Variants in SYNPO observed in about 807,000 individuals in gnomAD.
SYNPO encodes synaptopodin.
Under a neutral mutation model 49.5 loss-of-function variants are expected in SYNPO, and 19 were observed. That is an observed-to-expected ratio of 0.38 (90% CI 0.27 to 0.56). The LOEUF is 0.56. Ranked by LOEUF, SYNPO falls within the 20% of genes least tolerant of loss-of-function variation. SYNPO has a pLI of 0.68. For synonymous variants in SYNPO, 536 were observed against 548.0 expected, an observed-to-expected ratio of 0.98 and a Z score of 0.31; for missense variants, 1,131 against 1,248.3, an observed-to-expected ratio of 0.91 and a Z score of 1.42.
At chr5:150,604,244 G>A (rs1024003481) in intron 1 of SYNPO, among the ~76,000 whole-genome samples, 1 of 152,244 alleles carries the variant, frequency 6.6e-6, no homozygotes, top group Non-Finnish European at 1.5e-5. Flanking sequence ...GGGAGCGGGA[G>A]GTGGCACTGC....
the SYNPO span, among the ~76,000 whole-genome samples, chr5:150,590,851 T>C: frequency 2.0e-5 from 3 of 152,168 alleles, no homozygotes; most frequent in Non-Finnish European, 4.4e-5. Flanking sequence ...AGGGGGCTTC[T>C]AAGGAGAAGA....
At chr5:150,592,196 G>A in the SYNPO span, among the ~76,000 whole-genome samples, 21 of 151,814 alleles carry the variant, frequency 1.4e-4, no homozygotes, top group East Asian at 2.1e-3. Flanking sequence ...AGAAGAAGAA[G>A]AAGAAAAGAT....
intron 1 of SYNPO, among the ~76,000 whole-genome samples, chr5:150,610,829 A>C (rs1358693071): frequency 6.6e-6 from 1 of 152,236 alleles, no homozygotes; most frequent in Non-Finnish European, 1.5e-5. Context: ...TTTTTTATAT[A>C]CAAGATTACA....
Position 150,648,604 on chromosome 5 carries a change from C to T in SYNPO, c.329C>T (p.Pro110Leu). The part of the protein sequence containing the change: ...PPATVVPQSL[P>L]LSSIQQNSSE... ...GCAACTGTTGTCCCACAGAGCCTGCCACTTTCTAGCATCCAACAGAATTCC... is the reference window on the plus strand; with the variant it reads ...GCAACTGTTGTCCCACAGAGCCTGCTACTTTCTAGCATCCAACAGAATTCC... Residue 110 changes from proline to leucine, a missense_variant, in exon 2 of 3, where the codon CCA becomes CTA. Transcript: ENST00000307662. The surrounding 1 kb of genome is among the most constrained non-coding windows in gnomAD (Gnocchi z 5.0). The T allele has an allele frequency of 6.2e-7, 1 of 1,614,246 alleles. No individual in the cohort carries two copies. The highest frequency in any genetic ancestry group is 8.5e-7 in the Non-Finnish European group (1 of 1,180,050).
the SYNPO span, among the ~76,000 whole-genome samples, chr5:150,592,424 C>T: frequency 6.6e-6 from 1 of 152,114 alleles, no homozygotes; most frequent in African/African-American, 2.4e-5. Flanking sequence ...TTTCTCACTG[C>T]TAAGTGATAT....
At chr5:150,593,154 T>C in the SYNPO span, among the ~76,000 whole-genome samples, 1 of 152,210 alleles carries the variant, frequency 6.6e-6, no homozygotes, top group Admixed American at 6.5e-5. Context: ...GCTTTCTCAT[T>C]TGCGGAGAAA....
chr5:150,605,783 C>CAG (rs71589718), intron 1 of SYNPO, among the ~76,000 whole-genome samples: 1 of 149,398 alleles, frequency 6.7e-6, no homozygotes, highest in Non-Finnish European at 1.5e-5. Context: ...CACACACACA[C>CAG]AGATATGCAC....
At chr5:150,625,779 G>A (rs1334768690) in intron 2 of SYNPO, among the ~76,000 whole-genome samples, 1 of 151,856 alleles carries the variant, frequency 6.6e-6, no homozygotes, top group Non-Finnish European at 1.5e-5. Flanking sequence ...TCCGGAAGGT[G>A]CCAGGGAACT....
At chr5:150,641,817 C>T (rs566002261) in intron 1 of SYNPO, among the ~76,000 whole-genome samples, 37 of 152,216 alleles carry the variant, frequency 2.4e-4, no homozygotes, top group Non-Finnish European at 4.8e-4. Context: ...TTCTAGGCAG[C>T]TGGGTTTTCA....
chr5:150,652,463 T>C, intron 2 of SYNPO: 2 of 953,260 alleles, frequency 2.1e-6, no homozygotes, highest in Non-Finnish European at 2.5e-6. Flanking sequence ...GGCTGTGTCC[T>C]GCGTGCTGCC....
chr5:150,656,605 A>T lies in SYNPO; in HGVS notation c.2230A>T (p.Thr744Ser), dbSNP rs1758563507. The T allele has an allele frequency of 6.6e-7, 1 of 1,514,608 alleles. No individual in the cohort carries two copies. The highest frequency in any genetic ancestry group is 1.4e-5 in the African/African-American group (1 of 69,530). 93.8% of individuals were successfully genotyped at this position (1,514,608 alleles called of 1,614,324 possible). A position where few individuals can be genotyped will look rare whatever the true frequency, so the allele number is the denominator to read the frequency against. ...ERSVSPLRPETEARPPSRQLQ... is the reference protein window; with the variant it reads ...ERSVSPLRPESEARPPSRQLQ... ...CTCGGTGTCCCCGCTGCGACCTGAG[A>T]CCGAGGCGCGGCCCCCCAGCCGCCA... Residue 744 changes from threonine to serine, a missense_variant, in exon 3 of 3, where the codon ACC (threonine) becomes TCC (serine). Physicochemically the swap from Thr to Ser is moderately conservative, Grantham distance 58. Around this residue, in one of 4 missense-constraint regions of SYNPO, gnomAD observed 509 missense variants for 484.5 expected, o/e 1.05. Transcript: ENST00000307662.
In SYNPO at chr5:150,650,258, C is replaced by G. The variant is rs749200952; in HGVS notation, c.1983C>G (p.Ala661=). ...SRAWSPRAKQ[A]PRPSFSTRNA... ...CGTGGTCTCCCCGAGCCAAGCAGGC[C>G]CCCAGGCCCTCCTTCTCTACCCGGA... Residue 661 remains alanine, a synonymous_variant, in exon 2 of 3, where the codon GCC becomes GCG. Coordinates refer to ENST00000307662, the MANE Select transcript of SYNPO (RefSeq NM_007286.6). 6.2e-7 allele frequency: 1 copy of G among 1,614,130 alleles called. No individual in the cohort carries two copies. Among genetic ancestry groups the G allele is most frequent in the Non-Finnish European group, 8.5e-7 (1 of 1,180,050 alleles).
At chr5:150,618,892 T>C (rs916335224) in intron 2 of SYNPO, 12 of 1,241,274 alleles carry the variant, frequency 9.7e-6, no homozygotes, top group Middle Eastern at 1.9e-4. Flanking sequence ...CCCATGGGCA[T>C]GCCCAGATTA....
chr5:150,648,299 T>C lies in SYNPO; in HGVS notation c.24T>C (p.Ala8=), dbSNP rs1188835200. 10 of 1,614,174 alleles carry C rather than the reference T, an allele frequency of 6.2e-6. No homozygotes were observed. The highest frequency in any genetic ancestry group is 8.5e-6 in the Non-Finnish European group (10 of 1,180,030). The change falls in exon 2 of 3, where the codon GCT becomes GCC. Residue 8 remains alanine (A), a synonymous_variant. Coordinates refer to ENST00000307662, the MANE Select transcript of SYNPO (RefSeq NM_007286.6). The surrounding 1 kb of genome is among the most constrained non-coding windows in gnomAD (Gnocchi z 5.0). MEGYSEE[A]SLLRHLEKVA... ...GCATGGAGGGGTACTCAGAGGAGGC[T>C]AGCTTGCTGCGGCACCTGGAGAAGG... is the stretch of plus-strand genomic sequence containing the variant.
chr5:150,657,330 A>C lies in SYNPO; in HGVS notation c.*243A>C. 1 of 540,114 alleles carries C rather than the reference A, an allele frequency of 1.9e-6. No individual in the cohort carries two copies. The highest frequency in any genetic ancestry group is 2.5e-5 in the South Asian group (1 of 40,168). The allele number at this position is 540,114 out of a possible 1,614,324, so 33.5% of individuals were successfully genotyped here. On this transcript the variant is annotated 3_prime_UTR_variant, in exon 3 of 3. Transcript: ENST00000307662. ...TGACCCTCAGCTTTCCCATCTGTTTAATGGTGGCTTTGGCCAAGGCAATCC... is the reference window on the plus strand; with the variant it reads ...TGACCCTCAGCTTTCCCATCTGTTTCATGGTGGCTTTGGCCAAGGCAATCC...
rs1455764471 is a variant in SYNPO at position 150,650,547 on chromosome 5, G to T, written c.2028+244G>T. The stretch of plus-strand genomic sequence containing the variant: ...CCCCTCCCCTACTACAACAGGGGTC[G>T]GACTCCATGTCTGAGCGGGGAGGAG... On this transcript the variant is annotated intron_variant, in intron 2 of 2. Transcript: ENST00000307662. 2.7e-6 allele frequency: 4 copies of T among 1,466,206 alleles called. No individual in the cohort carries two copies. The African/African-American group carries it at 5.7e-5, about 21-fold the overall frequency. 90.8% of individuals were successfully genotyped at this position (1,466,206 alleles called of 1,614,324 possible).
At chr5:150,647,075 T>G (rs1400370356) in intron 1 of SYNPO, among the ~76,000 whole-genome samples, 1 of 151,820 alleles carries the variant, frequency 6.6e-6, no homozygotes, top group East Asian at 2.0e-4. Context: ...AAACCCCATC[T>G]CTACTAAAAA....
exon 2 of SYNPO, chr5:150,618,590 G>A: frequency 6.4e-7 from 1 of 1,551,338 alleles, no homozygotes; most frequent in South Asian, 1.2e-5. Flanking sequence ...AGTCACCCAG[G>A]GGACACCGCA....
In SYNPO at chr5:150,650,165, C is replaced by T; in HGVS notation, c.1890C>T (p.Asp630=). The part of the protein sequence containing the change: ...SPGLYTSPGQ[D]SLQPTAVSPP... ...GCCTCTACACCTCCCCCGGCCAGGACAGCCTGCAGCCCACTGCCGTGAGCC... is the reference window on the plus strand; with the variant it reads ...GCCTCTACACCTCCCCCGGCCAGGATAGCCTGCAGCCCACTGCCGTGAGCC... The change falls in exon 2 of 3, where the codon GAC becomes GAT. Residue 630 remains aspartate, a synonymous_variant. Coordinates refer to ENST00000307662, the MANE Select transcript of SYNPO (RefSeq NM_007286.6). 6.2e-7 allele frequency: 1 copy of T among 1,613,950 alleles called. No individual in the cohort carries two copies.
Sources: gnomAD v4.1 joint callset for allele counts (sites outside exome capture counted in the v4.1 genomes callset) on GRCh38, gnomAD v4.1.1 for gene constraint, gnomAD v4.1.1 regional missense constraint, Gnocchi (gnomAD v3.1) non-coding constraint, MANE v1.5 for transcripts, NCBI Gene and HGNC (gene_info 2026-07-23, HGNC 2026-07-21) for gene names.